LEF1: variants seen among roughly 807,000 people sequenced by gnomAD.
The protein encoded by LEF1 is lymphoid enhancer-binding factor 1.
LEF1 carries 14 observed loss-of-function variants against 51.2 expected under a neutral mutation model. The ratio of observed to expected loss-of-function variants is 0.27; its 90% CI spans 0.18 to 0.43. LEF1 has a LOEUF of 0.43. LEF1 is among the 20% of genes least tolerant of loss of function. The pLI, the probability that LEF1 is intolerant of heterozygous loss-of-function variation, is 1.00. For synonymous variants in LEF1, 185 were observed against 183.2 expected (o/e 1.01, Z -0.08); for missense variants, 386 against 512.0 (o/e 0.75, Z 2.37).
intron 3 of LEF1, among the ~76,000 whole-genome samples, chr4:108,155,849 C>T (rs1483035729): frequency 6.6e-6 from 1 of 152,174 alleles, no homozygotes; most frequent in East Asian, 1.9e-4. Context: ...TAGGGCACTG[C>T]CTACCTATCT....
At chr4:108,105,121 C>A (rs1007402886) in intron 3 of LEF1, among the ~76,000 whole-genome samples, 3 of 151,698 alleles carry the variant, frequency 2.0e-5, no homozygotes, top group Admixed American at 6.6e-5. Flanking sequence ...TATGGGTTTA[C>A]GTTTTTCCTA....
In LEF1 at chr4:108,093,565, A is replaced by T. The variant is rs574647630; in HGVS notation, c.415-4308T>A. ...CAGGATGCACAGTTACTCCAGCTTT[A>T]CGAGATACCTGGCAGCCCTGTCACC... is the stretch of plus-strand genomic sequence containing the variant. On this transcript the variant is annotated intron_variant, in intron 3 of 11. Transcript: ENST00000265165. 3.3e-4 allele frequency among the ~76,000 whole-genome samples: 50 copies of T among 152,208 alleles called. No homozygotes were observed. The South Asian group carries it at 1.0e-2, about 30-fold the overall frequency.
intron 3 of LEF1, among the ~76,000 whole-genome samples, chr4:108,113,719 G>T (rs1412027337): frequency 6.6e-6 from 1 of 152,188 alleles, no homozygotes; most frequent in Non-Finnish European, 1.5e-5. Flanking sequence ...TTGGGAGGGT[G>T]GGACCATGGA....
chr4:108,157,168 C>CTATA (rs1162000209), intron 3 of LEF1, among the ~76,000 whole-genome samples: 271 of 133,802 alleles, frequency 2.0e-3, no homozygotes, highest in Middle Eastern at 0.013. Context: ...CTCTCTCTCT[C>CTATA]TATATATATA....
At chr4:108,084,783 TA>T (rs1182155166) in intron 4 of LEF1, among the ~76,000 whole-genome samples, 11 of 152,300 alleles carry the variant, frequency 7.2e-5, no homozygotes, top group African/African-American at 2.6e-4. Context: ...CAGCAGAACA[TA>T]AATTTTTTAC....
intron 3 of LEF1, among the ~76,000 whole-genome samples, chr4:108,106,585 C>T (rs763949494): frequency 2.2e-4 from 34 of 152,088 alleles, no homozygotes; most frequent in Non-Finnish European, 4.4e-5. Context: ...CTTTTGTTGT[C>T]GTTTCATGCA....
At chr4:108,136,101 AAAC>A (rs1187294482) in intron 3 of LEF1, among the ~76,000 whole-genome samples, 2 of 152,224 alleles carry the variant, frequency 1.3e-5, no homozygotes, top group African/African-American at 4.8e-5. Context: ...GAAAAAAACA[AAAC>A]AAGTTATGGT....
chr4:108,139,462 T>C (rs1290771689), intron 3 of LEF1, among the ~76,000 whole-genome samples: 3 of 152,204 alleles, frequency 2.0e-5, no homozygotes, highest in Non-Finnish European at 4.4e-5. Flanking sequence ...ACCTGGAAAC[T>C]TGAAGGGCTG....
chr4:108,104,729 C>T (rs542394317), intron 3 of LEF1: 1 of 976,418 alleles, frequency 1.0e-6, no homozygotes, highest in African/African-American at 1.8e-5. Context: ...GGCCTATCTC[C>T]CCATGATGGC....
intron 3 of LEF1, among the ~76,000 whole-genome samples, chr4:108,150,553 T>C (rs980172342): frequency 6.6e-6 from 1 of 152,222 alleles, no homozygotes; most frequent in Non-Finnish European, 1.5e-5. Context: ...ATTTACATTA[T>C]TTAATAAAAG....
chr4:108,133,193 C>G (rs962919303), intron 3 of LEF1, among the ~76,000 whole-genome samples: 1 of 152,120 alleles, frequency 6.6e-6, no homozygotes, highest in Non-Finnish European at 1.5e-5. Context: ...AGGCTGGTCT[C>G]AAACTCATGA....
chr4:108,073,541 A>G (rs1208864072), intron 8 of LEF1, among the ~76,000 whole-genome samples: 1 of 152,236 alleles, frequency 6.6e-6, no homozygotes, highest in Non-Finnish European at 1.5e-5. Flanking sequence ...CTATTTGACA[A>G]CTATCATTCC....
intron 3 of LEF1, among the ~76,000 whole-genome samples, chr4:108,091,453 GGA>G (rs149522033): frequency 0.46 from 68,829 of 150,030 alleles, 17,673 homozygotes; most frequent in Middle Eastern, 0.68. Flanking sequence ...TACGGGGGGG[GGA>G]AAAAAAAGGA....
At chr4:108,081,283 T>A (rs1208311536) in intron 6 of LEF1, among the ~76,000 whole-genome samples, 1 of 152,160 alleles carries the variant, frequency 6.6e-6, no homozygotes, top group African/African-American at 2.4e-5. Context: ...TCTTGTAATG[T>A]CCGCTTTCCG....
chr4:108,091,045 T>G (rs1475250156), intron 3 of LEF1, among the ~76,000 whole-genome samples: 2 of 152,172 alleles, frequency 1.3e-5, no homozygotes, highest in Non-Finnish European at 2.9e-5. Flanking sequence ...AATTCACTAG[T>G]TCAGACATGT....
intron 3 of LEF1, among the ~76,000 whole-genome samples, chr4:108,162,044 A>T (rs1248069524): frequency 1.3e-5 from 2 of 152,208 alleles, no homozygotes; most frequent in African/African-American, 4.8e-5. Context: ...AACTTTTAAA[A>T]CTCAAGCATT....
intron 3 of LEF1, among the ~76,000 whole-genome samples, chr4:108,118,677 C>A (rs1310617393): frequency 6.6e-6 from 1 of 152,082 alleles, no homozygotes; most frequent in Non-Finnish European, 1.5e-5. Flanking sequence ...TTTAAAGGCT[C>A]TTTCTCAGTA....
chr4:108,062,884 G>A (rs1422984323), intron 11 of LEF1, among the ~76,000 whole-genome samples: 1 of 152,080 alleles, frequency 6.6e-6, no homozygotes, highest in Non-Finnish European at 1.5e-5. Flanking sequence ...CAGGAGAAGA[G>A]GTACACACCC....
intron 11 of LEF1, among the ~76,000 whole-genome samples, chr4:108,061,019 A>T (rs1737650876): frequency 6.6e-6 from 1 of 152,180 alleles, no homozygotes; most frequent in Non-Finnish European, 1.5e-5. Flanking sequence ...GGTGGATCTG[A>T]GCTCCTCTCT....
Sources: allele counts gnomAD v4.1 joint callset (sites outside exome capture counted in the v4.1 genomes callset), GRCh38; gene constraint gnomAD v4.1.1; transcripts MANE v1.5; gene names NCBI Gene and HGNC (gene_info 2026-07-23, HGNC 2026-07-21).